The following ADCY2 variants were observed in gnomAD, a reference collection of about 807,000 sequenced individuals.
The protein encoded by ADCY2 is adenylate cyclase 2, also known as adenylate cyclase type 2.
ADCY2 carries 31 observed loss-of-function variants against 125.2 expected under a neutral mutation model. The ratio of observed to expected loss-of-function variants is 0.25; its 90% CI spans 0.19 to 0.33. The LOEUF is 0.33. Among genes scored for constraint, ADCY2 ranks in the 10% least tolerant of loss-of-function variants. The pLI, the probability that ADCY2 is intolerant of heterozygous loss-of-function variation, is 1.00. For synonymous variants in ADCY2, 512 were observed against 548.4 expected, an observed-to-expected ratio of 0.93 and a Z score of 0.93; for missense variants, 904 against 1,418.2, an observed-to-expected ratio of 0.64 and a Z score of 5.82.
chr5:7,429,212 C>G (rs1416421308), intron 2 of ADCY2, among the ~76,000 whole-genome samples: 2 of 152,178 alleles, frequency 1.3e-5, no homozygotes, highest in Non-Finnish European at 2.9e-5. Flanking sequence ...GGGACATTGC[C>G]TACTGATAAA....
At chr5:7,812,737 C>T (rs1048162090) in intron 22 of ADCY2, among the ~76,000 whole-genome samples, 1 of 152,096 alleles carries the variant, frequency 6.6e-6, no homozygotes, top group African/African-American at 2.4e-5. Flanking sequence ...GTGAAACCCT[C>T]TCTGTACTAA....
At chr5:7,638,980 C>T (rs1026363921) in intron 4 of ADCY2, among the ~76,000 whole-genome samples, 8 of 152,078 alleles carry the variant, frequency 5.3e-5, no homozygotes, top group African/African-American at 1.9e-4. Flanking sequence ...ACAGGAGTTT[C>T]CCTCCACTTG....
chr5:7,444,568 G>C (rs1051377546), intron 2 of ADCY2, among the ~76,000 whole-genome samples: 4 of 152,050 alleles, frequency 2.6e-5, no homozygotes, highest in Admixed American at 2.6e-4. Flanking sequence ...GATTGACATT[G>C]GAGTTATTTT....
At chr5:7,455,708 A>G (rs1018075243) in intron 2 of ADCY2, among the ~76,000 whole-genome samples, 12 of 145,400 alleles carry the variant, frequency 8.3e-5, no homozygotes, top group Non-Finnish European at 1.8e-4. Flanking sequence ...TATTAACATA[A>G]TTATATTATG....
intron 2 of ADCY2, among the ~76,000 whole-genome samples, chr5:7,492,261 T>A (rs1468270737): frequency 6.6e-6 from 1 of 152,184 alleles, no homozygotes; most frequent in African/African-American, 2.4e-5. Flanking sequence ...TGTTTGGAAG[T>A]GGGACCACAA....
intron 2 of ADCY2, among the ~76,000 whole-genome samples, chr5:7,458,793 A>T (rs1741804189): frequency 6.6e-6 from 1 of 152,216 alleles, no homozygotes; most frequent in African/African-American, 2.4e-5. Flanking sequence ...CAAAGAACAC[A>T]TGGGCTACTA....
chr5:7,547,119 A>T (rs1358805348), intron 3 of ADCY2, among the ~76,000 whole-genome samples: 1 of 152,200 alleles, frequency 6.6e-6, no homozygotes, highest in African/African-American at 2.4e-5. Flanking sequence ...ACACATAAAT[A>T]GGATGTTCCT....
intron 24 of ADCY2, among the ~76,000 whole-genome samples, chr5:7,823,517 T>C (rs1289532264): frequency 1.3e-5 from 2 of 152,160 alleles, no homozygotes; most frequent in Non-Finnish European, 2.9e-5. Context: ...TCCGGGACTT[T>C]CTGCATAAAC....
intron 1 of ADCY2, among the ~76,000 whole-genome samples, chr5:7,398,866 G>T (rs529071287): frequency 6.6e-6 from 1 of 152,302 alleles, no homozygotes; most frequent in African/African-American, 2.4e-5. Flanking sequence ...TTTGATTTTA[G>T]AAACACCATA....
intron 4 of ADCY2, among the ~76,000 whole-genome samples, chr5:7,645,796 G>A (rs1374997582): frequency 6.6e-6 from 1 of 152,058 alleles, no homozygotes; most frequent in Non-Finnish European, 1.5e-5. Flanking sequence ...TCAGTGTTAG[G>A]GATAAAGAAA....
At chr5:7,826,660 A>G (rs1289963793) in intron 24 of ADCY2, 59 bp from the exon 25 acceptor site, 2 of 1,611,046 alleles carry the variant, frequency 1.2e-6, no homozygotes, top group African/African-American at 1.3e-5. Flanking sequence ...TCCTTGAGTC[A>G]GATGGGTTGT....
At chr5:7,745,625 C>T (rs1742574526) in intron 15 of ADCY2, among the ~76,000 whole-genome samples, 1 of 152,190 alleles carries the variant, frequency 6.6e-6, no homozygotes, top group African/African-American at 2.4e-5. Flanking sequence ...TGGAAAGGCA[C>T]ACAGGCTCCC....
In ADCY2 at chr5:7,512,218, C is replaced by CAAAAAAAAAAAAAAAAAAAAAAAAAA. The variant is rs57381383; in HGVS notation, c.409-8498_409-8497insAAAAAAAAAAAAAAAAAAAAAAAAAA. ...CCTGGGCAGTAGAGCATGACTCCAT[C>CAAAAAAAAAAAAAAAAAAAAAAAAAA]AAAAAAAAAAAAAAAAAAAAAAGAA... On this transcript the variant is annotated intron_variant, in intron 2 of 24. Coordinates refer to ENST00000338316, the MANE Select transcript of ADCY2 (RefSeq NM_020546.3). Among the ~76,000 whole-genome samples, 19 of 57,902 alleles carry CAAAAAAAAAAAAAAAAAAAAAAAAAA rather than the reference C, an allele frequency of 3.3e-4. 2 individuals are homozygous for CAAAAAAAAAAAAAAAAAAAAAAAAAA. Among genetic ancestry groups the CAAAAAAAAAAAAAAAAAAAAAAAAAA allele is most frequent in the African/African-American group, 7.9e-4 (10 of 12,586 alleles). 38.0% of individuals were successfully genotyped at this position (57,902 alleles called of 152,430 possible).
intron 22 of ADCY2, 67 bp downstream of exon 22, chr5:7,804,759 C>A (rs915053438): frequency 1.7e-6 from 2 of 1,158,970 alleles, no homozygotes; most frequent in African/African-American, 1.5e-5. Context: ...ACCCTGGGAC[C>A]AAAACAGCCA....
chr5:7,521,123 A>G (rs1480630332), intron 3 of ADCY2, among the ~76,000 whole-genome samples: 2 of 152,236 alleles, frequency 1.3e-5, no homozygotes, highest in African/African-American at 4.8e-5. Flanking sequence ...AAGTAATGGT[A>G]GCAGGAAAGT....
At chr5:7,743,170 T>C (rs1285195446) in intron 14 of ADCY2, among the ~76,000 whole-genome samples, 1 of 152,142 alleles carries the variant, frequency 6.6e-6, no homozygotes, top group Non-Finnish European at 1.5e-5. Context: ...TTGCTGCATC[T>C]ATGTTGAACA....
chr5:7,409,267 C>T (rs1739622675), intron 1 of ADCY2, among the ~76,000 whole-genome samples: 1 of 152,046 alleles, frequency 6.6e-6, no homozygotes. Flanking sequence ...AGGATCAGGA[C>T]AAATAACTAA....
intron 4 of ADCY2, among the ~76,000 whole-genome samples, chr5:7,686,359 A>G (rs1740520778): frequency 6.6e-6 from 1 of 152,228 alleles, no homozygotes; most frequent in African/African-American, 2.4e-5. Flanking sequence ...TTAACTCTGT[A>G]TCTCTTATAT....
chr5:7,695,915 C>T (rs11134252), intron 6 of ADCY2, 52 bp downstream of exon 6: 631,046 of 1,292,414 alleles, frequency 0.49, 157,261 homozygotes, highest in East Asian at 0.82. Flanking sequence ...CTCTTGGTTT[C>T]GTTTTTCTTC....
Sources: gnomAD v4.1 joint callset for allele counts (sites outside exome capture counted in the v4.1 genomes callset) on GRCh38, gnomAD v4.1.1 for gene constraint, MANE v1.5 for transcripts, NCBI Gene and HGNC (gene_info 2026-07-23, HGNC 2026-07-21) for gene names.